The following LDLRAD3 variants were observed in gnomAD, a reference collection of about 807,000 sequenced individuals.
LDLRAD3 encodes low density lipoprotein receptor class A domain containing 3.
In LDLRAD3, 20 loss-of-function variants were observed where a neutral mutation model predicts 29.4. That is an observed-to-expected ratio of 0.68 (90% CI 0.48 to 0.99). The LOEUF is 0.99. LDLRAD3 is among the 50% of genes least tolerant of loss of function. The pLI, the probability that LDLRAD3 is intolerant of heterozygous loss-of-function variation, is 0.00. For missense variants in LDLRAD3, 420 were observed against 454.3 expected (o/e 0.92, Z 0.69); for synonymous variants, 157 against 192.7 (o/e 0.81, Z 1.53).
At chr11:36,136,961 G>A (rs1453320326) in intron 4 of LDLRAD3, among the ~76,000 whole-genome samples, 1 of 152,160 alleles carries the variant, frequency 6.6e-6, no homozygotes, top group African/African-American at 2.4e-5. Flanking sequence ...AAAGTGCTGG[G>A]ATTACAGGCA....
chr11:36,195,586 T>C (rs1349790366), intron 4 of LDLRAD3, among the ~76,000 whole-genome samples: 1 of 152,164 alleles, frequency 6.6e-6, no homozygotes, highest in Non-Finnish European at 1.5e-5. Flanking sequence ...TTGAACATTT[T>C]AAAATAGGGA....
chr11:36,149,298 C>T (rs1293314779), intron 4 of LDLRAD3, among the ~76,000 whole-genome samples: 1 of 152,172 alleles, frequency 6.6e-6, no homozygotes, highest in Non-Finnish European at 1.5e-5. Flanking sequence ...AAAATGAAAT[C>T]TGTCAGATAA....
intron 4 of LDLRAD3, among the ~76,000 whole-genome samples, chr11:36,109,360 T>C (rs1532568): frequency 0.56 from 83,023 of 148,422 alleles, 23,095 homozygotes; most frequent in East Asian, 0.8. Flanking sequence ...ATAAGACACG[T>C]GAAGGTGGGG....
chr11:36,127,682 C>G (rs951663079), intron 4 of LDLRAD3, among the ~76,000 whole-genome samples: 2 of 152,122 alleles, frequency 1.3e-5, no homozygotes, highest in African/African-American at 4.8e-5. Flanking sequence ...CATGTCTGAG[C>G]CACCATGCTA....
chr11:36,003,878 C>T (rs978251045), intron 1 of LDLRAD3, among the ~76,000 whole-genome samples: 1 of 152,174 alleles, frequency 6.6e-6, no homozygotes, highest in African/African-American at 2.4e-5. Flanking sequence ...ACCTTATTCA[C>T]ATGGTGGCAG....
chr11:36,013,312 T>C (rs1851978117), intron 1 of LDLRAD3, among the ~76,000 whole-genome samples: 2 of 152,310 alleles, frequency 1.3e-5, no homozygotes, highest in African/African-American at 4.8e-5. Flanking sequence ...TTTTTTACTT[T>C]AAGTTCCGAG....
chr11:36,149,216 A>G (rs770237479), intron 4 of LDLRAD3, among the ~76,000 whole-genome samples: 7 of 152,184 alleles, frequency 4.6e-5, no homozygotes, highest in Non-Finnish European at 1.0e-4. Context: ...TGAGGGAATG[A>G]TCAGGCACTC....
chr11:36,067,228 A>G (rs1852809394), intron 2 of LDLRAD3, among the ~76,000 whole-genome samples: 1 of 152,150 alleles, frequency 6.6e-6, no homozygotes, highest in African/African-American at 2.4e-5. Flanking sequence ...TTCCCCACGT[A>G]TTAATTAAGC....
chr11:36,173,169 A>G (rs1489609116), intron 4 of LDLRAD3, among the ~76,000 whole-genome samples: 1 of 151,978 alleles, frequency 6.6e-6, no homozygotes, highest in Non-Finnish European at 1.5e-5. Context: ...TATCACCTAT[A>G]ATATCTCCCA....
At chr11:36,188,103 A>G (rs937835880) in intron 4 of LDLRAD3, among the ~76,000 whole-genome samples, 1 of 152,080 alleles carries the variant, frequency 6.6e-6, no homozygotes, top group African/African-American at 2.4e-5. Flanking sequence ...TTGACCCAGC[A>G]TGCTTTCTAT....
chr11:36,209,442 C>T (rs1016236768), intron 4 of LDLRAD3, among the ~76,000 whole-genome samples: 1 of 144,204 alleles, frequency 6.9e-6, no homozygotes, highest in South Asian at 2.2e-4. Context: ...TCACTGCAAC[C>T]TTCGCCTCCC....
At position 36,085,953 on chromosome 11, in the gene LDLRAD3, T is replaced by G. The variant is rs1396126615; in HGVS notation, c.319+4175T>G. Among the ~76,000 whole-genome samples, 7 of 152,194 alleles carry G rather than the reference T, an allele frequency of 4.6e-5. No homozygotes were observed. In the East Asian group the frequency reaches 1.3e-3, roughly 29 times the overall value. On this transcript the variant is annotated intron_variant, in intron 3 of 5. Coordinates refer to ENST00000315571, the MANE Select transcript of LDLRAD3 (RefSeq NM_174902.4). The stretch of plus-strand genomic sequence containing the variant: ...TTTTAATCACTCCTTTTTCTTTTTA[T>G]TGTTCATATTGGACAATTTCTGTTA...
At chr11:36,215,373 A>G (rs1855337820) in intron 4 of LDLRAD3, among the ~76,000 whole-genome samples, 1 of 152,162 alleles carries the variant, frequency 6.6e-6, no homozygotes. Flanking sequence ...ATGTTTTTAG[A>G]AGGAGCACCC....
chr11:36,045,749 A>T lies in LDLRAD3; in HGVS notation c.193+9500A>T, dbSNP rs190570357. On this transcript the variant is annotated intron_variant, in intron 2 of 5. Transcript: ENST00000315571. ...TTTTTTTTTTTTTTCATTTCAAAAA[A>T]TTTATTTCAGTAGTTTTTGAGAAAC... Among the ~76,000 whole-genome samples the T allele has an allele frequency of 2.2e-3, 335 of 151,356 alleles. 2 individuals are homozygous for T. The highest frequency in any genetic ancestry group is 7.6e-3 in the African/African-American group (315 of 41,246).
chr11:36,143,982 G>A (rs903683976), intron 4 of LDLRAD3, among the ~76,000 whole-genome samples: 1 of 129,596 alleles, frequency 7.7e-6, no homozygotes, highest in East Asian at 2.5e-4. Context: ...ATGCCGAGCC[G>A]AAGCTGGACT....
intron 4 of LDLRAD3, among the ~76,000 whole-genome samples, chr11:36,207,932 G>A (rs775111963): frequency 3.3e-5 from 5 of 152,102 alleles, no homozygotes; most frequent in Non-Finnish European, 7.4e-5. Flanking sequence ...GCCCACCTAC[G>A]AGGATTTTTA....
intron 1 of LDLRAD3, among the ~76,000 whole-genome samples, chr11:36,009,796 G>A (rs16928241): frequency 0.017 from 2,567 of 152,216 alleles, 82 homozygotes; most frequent in African/African-American, 0.059. Flanking sequence ...CAAAAAGGCA[G>A]GTCTGCAAAT....
rs560159054 is a variant in LDLRAD3, at chr11:36,006,810, T to C, written c.47-29293T>C. ...GTTATCACACAGGGTGAAATTGCCT[T>C]ATGGGCTCAAGCCCGTGGATTCAGA... On this transcript the variant is annotated intron_variant, in intron 1 of 5. Coordinates refer to ENST00000315571, the MANE Select transcript of LDLRAD3 (RefSeq NM_174902.4). Among the ~76,000 whole-genome samples the C allele has an allele frequency of 2.1e-3, 321 of 152,368 alleles. 2 individuals carry two copies. The highest frequency in any genetic ancestry group is 6.7e-3 in the African/African-American group (280 of 41,598).
intron 4 of LDLRAD3, among the ~76,000 whole-genome samples, chr11:36,180,444 C>T (rs1854742660): frequency 6.6e-6 from 1 of 152,126 alleles, no homozygotes; most frequent in African/African-American, 2.4e-5. Flanking sequence ...GACGTATAGT[C>T]TAGAGGCACT....
Sources: gnomAD v4.1 joint callset for allele counts (sites outside exome capture counted in the v4.1 genomes callset) on GRCh38, gnomAD v4.1.1 for gene constraint, MANE v1.5 for transcripts, NCBI Gene and HGNC (gene_info 2026-07-23, HGNC 2026-07-21) for gene names.